MAMDC2: variants seen among roughly 807,000 people sequenced by gnomAD.
The protein encoded by MAMDC2 is MAM domain-containing protein 2.
In MAMDC2, 57 loss-of-function variants were observed where a neutral mutation model predicts 89.8. That is an observed-to-expected ratio of 0.63 (90% CI 0.51 to 0.79). MAMDC2 has a LOEUF of 0.79. Among genes scored for constraint, MAMDC2 ranks in the 30% least tolerant of loss-of-function variants. MAMDC2 has a pLI of 0.00. For missense variants in MAMDC2, 800 were observed against 820.6 expected, an observed-to-expected ratio of 0.97 and a Z score of 0.31; for synonymous variants, 313 against 293.4, an observed-to-expected ratio of 1.07 and a Z score of -0.68.
chr9:70,072,136 T>C, intron 2 of MAMDC2, among the ~76,000 whole-genome samples: 1 of 152,216 alleles, frequency 6.6e-6, no homozygotes. Flanking sequence ...AGAAAGTCTT[T>C]AGTGTTTTGG....
intron 11 of MAMDC2, among the ~76,000 whole-genome samples, chr9:70,208,681 G>A: frequency 6.6e-6 from 1 of 152,204 alleles, no homozygotes; most frequent in Non-Finnish European, 1.5e-5. Context: ...CTGAATAGGA[G>A]TGGTGAGAGA....
chr9:70,191,438 T>C (rs1184240677), intron 11 of MAMDC2, among the ~76,000 whole-genome samples: 1 of 152,144 alleles, frequency 6.6e-6, no homozygotes, highest in Non-Finnish European at 1.5e-5. Flanking sequence ...GATAACTCCA[T>C]ATGTGGGCCA....
intron 2 of MAMDC2, among the ~76,000 whole-genome samples, chr9:70,097,001 G>T (rs762594664): frequency 2.0e-5 from 3 of 152,184 alleles, no homozygotes; most frequent in Non-Finnish European, 2.9e-5. Flanking sequence ...TGTGGGAGAA[G>T]TTTCTGAGTC....
intron 9 of MAMDC2, among the ~76,000 whole-genome samples, chr9:70,144,548 C>G (rs534406068): frequency 6.6e-6 from 1 of 152,182 alleles, no homozygotes; most frequent in Non-Finnish European, 1.5e-5. Flanking sequence ...TTTGCTTCAG[C>G]CTGTGTCAGT....
At chr9:70,110,969 A>C (rs1372925254) in intron 4 of MAMDC2, among the ~76,000 whole-genome samples, 1 of 152,246 alleles carries the variant, frequency 6.6e-6, no homozygotes, top group Non-Finnish European at 1.5e-5. Flanking sequence ...ACAACAACAA[A>C]AAAGCCTTTG....
intron 11 of MAMDC2, among the ~76,000 whole-genome samples, chr9:70,211,033 C>T (rs995807128): frequency 6.6e-6 from 1 of 152,140 alleles, no homozygotes; most frequent in Non-Finnish European, 1.5e-5. Context: ...TTATGGGTAA[C>T]CTGACCTTTC....
intron 11 of MAMDC2, chr9:70,170,924 A>G (rs193002377): frequency 1.1e-4 from 36 of 329,996 alleles, no homozygotes; most frequent in Middle Eastern, 7.9e-4. Flanking sequence ...AAGTAGGGGA[A>G]AAAATGGTAA....
At chr9:70,056,754 C>T (rs955710680) in intron 2 of MAMDC2, among the ~76,000 whole-genome samples, 12 of 152,268 alleles carry the variant, frequency 7.9e-5, no homozygotes, top group Admixed American at 7.2e-4. Context: ...GGCAGGCAAG[C>T]GAGGCTTCAT....
intron 11 of MAMDC2, among the ~76,000 whole-genome samples, chr9:70,189,608 T>C (rs926617691): frequency 2.0e-5 from 3 of 152,142 alleles, no homozygotes; most frequent in African/African-American, 7.2e-5. Context: ...CTTGAATGTA[T>C]AGACTTATAT....
intron 11 of MAMDC2, among the ~76,000 whole-genome samples, chr9:70,202,226 T>C (rs2033115371): frequency 6.7e-6 from 1 of 149,576 alleles, no homozygotes; most frequent in African/African-American, 2.4e-5. Flanking sequence ...CTGCTTTGAA[T>C]GTGTCCCAGA....
intron 9 of MAMDC2, chr9:70,148,153 A>G (rs1317770563): frequency 6.7e-6 from 1 of 150,168 alleles, no homozygotes; most frequent in East Asian, 1.9e-4. Flanking sequence ...TTCTAATCAC[A>G]CTGAGCAATC....
intron 2 of MAMDC2, among the ~76,000 whole-genome samples, chr9:70,051,210 T>G (rs1364914365): frequency 6.6e-6 from 1 of 152,194 alleles, no homozygotes; most frequent in Non-Finnish European, 1.5e-5. Flanking sequence ...AAGCCTCTAC[T>G]GGCTTCTGTG....
Position 70,133,187 on chromosome 9 carries a change from C to T in MAMDC2, c.994+1575C>T, listed in dbSNP as rs1483432187. Among the ~76,000 whole-genome samples the T allele has an allele frequency of 2.0e-5, 3 of 152,094 alleles. No homozygotes were observed. The East Asian group carries it at 5.8e-4, about 29-fold the overall frequency. On this transcript the variant is annotated intron_variant, in intron 7 of 13. Transcript: ENST00000377182. ...AGGCAGTGACGCTGAAATTTATATT[C>T]CCTTGTTTTGTCTATGGTAGAAGAG...
At chr9:70,186,797 C>T (rs1224604861) in intron 11 of MAMDC2, among the ~76,000 whole-genome samples, 1 of 152,176 alleles carries the variant, frequency 6.6e-6, no homozygotes, top group African/African-American at 2.4e-5. Context: ...GGAAGGCAAA[C>T]GCAGAGCAGG....
intron 7 of MAMDC2, 25 bp from the exon 8 acceptor site, chr9:70,140,120 T>A (rs761019857): frequency 1.3e-6 from 2 of 1,542,702 alleles, no homozygotes; most frequent in African/African-American, 1.4e-5. Flanking sequence ...GGGACTGTCA[T>A]TAACTTTGCT....
intron 11 of MAMDC2, among the ~76,000 whole-genome samples, chr9:70,215,597 A>C (rs1042134038): frequency 7.2e-5 from 11 of 152,226 alleles, no homozygotes. Flanking sequence ...ATCCTAAAGG[A>C]GGTTTTGATT....
At chr9:70,079,112 T>C (rs72710469) in intron 2 of MAMDC2, 12,580 of 152,320 alleles carry the variant, frequency 0.083, 750 homozygotes, top group East Asian at 0.21. Flanking sequence ...GTGTGTTTTG[T>C]TGTCAAGACA....
intron 9 of MAMDC2, among the ~76,000 whole-genome samples, chr9:70,156,346 G>A (rs1169162031): frequency 6.6e-6 from 1 of 152,178 alleles, no homozygotes; most frequent in African/African-American, 2.4e-5. Context: ...GAATAGAAGA[G>A]CAAGTCTAGA....
chr9:70,061,570 A>G (rs1827151712), intron 2 of MAMDC2, among the ~76,000 whole-genome samples: 1 of 152,262 alleles, frequency 6.6e-6, no homozygotes, highest in South Asian at 2.1e-4. Context: ...CAGGAACTGG[A>G]CTAAGGTGAG....
Sources: gnomAD v4.1 joint callset for allele counts (sites outside exome capture counted in the v4.1 genomes callset) on GRCh38, gnomAD v4.1.1 for gene constraint, MANE v1.5 for transcripts, NCBI Gene and HGNC (gene_info 2026-07-23, HGNC 2026-07-21) for gene names.